Variants in PLEKHA8 observed in about 807,000 individuals in gnomAD.
PLEKHA8 encodes pleckstrin homology domain containing A8, also known as pleckstrin homology domain-containing family A member 8.
A neutral mutation model predicts 68.2 loss-of-function variants in PLEKHA8; 36 were observed. The observed-to-expected ratio is 0.53, with a 90% CI of 0.40 to 0.70. PLEKHA8 has a LOEUF of 0.70. Ranked by LOEUF, PLEKHA8 falls within the 30% of genes least tolerant of loss-of-function variation. The pLI, the probability that PLEKHA8 is intolerant of heterozygous loss-of-function variation, is 0.00. For missense variants in PLEKHA8, 505 were observed against 615.4 expected (o/e 0.82, Z 1.90); for synonymous variants, 211 against 216.1 (o/e 0.98, Z 0.20).
At chr7:30,050,403 G>A (rs1212286529) in intron 5 of PLEKHA8, 31 bp from the exon 6 acceptor site, 1 of 1,555,286 alleles carries the variant, frequency 6.4e-7, no homozygotes, top group Non-Finnish European at 8.7e-7. Flanking sequence ...AGTTTAACAT[G>A]TGAACTTTCC....
chr7:30,116,521 G>A (rs1796570561), intron 13 of PLEKHA8, among the ~76,000 whole-genome samples: 1 of 152,008 alleles, frequency 6.6e-6, no homozygotes. Context: ...TATTTGATTA[G>A]CTGTTCTGCA....
intron 1 of PLEKHA8, among the ~76,000 whole-genome samples, chr7:30,032,597 T>C (rs1275879874): frequency 6.6e-6 from 1 of 152,232 alleles, no homozygotes; most frequent in African/African-American, 2.4e-5. Flanking sequence ...GACAATACTT[T>C]TAAAGGTCCT....
At chr7:30,114,416 C>T (rs554411301) in intron 13 of PLEKHA8, among the ~76,000 whole-genome samples, 22 of 152,340 alleles carry the variant, frequency 1.4e-4, no homozygotes, top group South Asian at 6.2e-4. Flanking sequence ...GTGATAGTGA[C>T]GAGATTTGAA....
chr7:30,101,081 T>G (rs1253950129), intron 13 of PLEKHA8, among the ~76,000 whole-genome samples: 1 of 151,014 alleles, frequency 6.6e-6, no homozygotes, highest in Non-Finnish European at 1.5e-5. Context: ...TCACAGCTAC[T>G]CGGGAGGCTA....
chr7:30,100,090 G>A (rs949359134), intron 13 of PLEKHA8, among the ~76,000 whole-genome samples: 6 of 152,068 alleles, frequency 3.9e-5, no homozygotes, highest in Non-Finnish European at 8.8e-5. Flanking sequence ...CTATCTTTAT[G>A]TGTCTGTTGT....
At chr7:30,065,152 C>T (rs1793740982) in intron 12 of PLEKHA8, among the ~76,000 whole-genome samples, 1 of 152,172 alleles carries the variant, frequency 6.6e-6, no homozygotes, top group South Asian at 2.1e-4. Flanking sequence ...CTTTGAAGGG[C>T]AAATGCTGCT....
At position 30,080,793 on chromosome 7, in the gene PLEKHA8, C is replaced by T. The variant is rs1794892027; in HGVS notation, c.*2006C>T. 1 of 985,280 alleles carries T rather than the reference C, an allele frequency of 1.0e-6. No homozygotes were observed. The highest frequency in any genetic ancestry group is 1.2e-6 in the Non-Finnish European group (1 of 829,894). 61.0% of individuals were successfully genotyped at this position (985,280 alleles called of 1,614,324 possible). On this transcript the variant is annotated 3_prime_UTR_variant, in exon 14 of 14. Coordinates refer to ENST00000449726, the MANE Select transcript of PLEKHA8 (RefSeq NM_001197026.2). ...TCTCTGATTAGTATGAATATGATGGCAGGACTCGGGGATAGTCCCTGCCCT... is the reference window on the plus strand; with the variant it reads ...TCTCTGATTAGTATGAATATGATGGTAGGACTCGGGGATAGTCCCTGCCCT...
At chr7:30,035,058 CATAG>C (rs1339590473) in intron 1 of PLEKHA8, among the ~76,000 whole-genome samples, 1 of 150,674 alleles carries the variant, frequency 6.6e-6, no homozygotes, top group Admixed American at 6.6e-5. Context: ...TTTTTTTTCA[CATAG>C]ATATTCAATA....
rs988613969 is a variant in PLEKHA8 at position 30,079,560 on chromosome 7, T to G, written c.*773T>G. On this transcript the variant is annotated 3_prime_UTR_variant, in exon 14 of 14. Transcript: ENST00000449726. ...CATTATCTCAATTGGACATCACAAG[T>G]AATGATACCCAGAGGGATTATTACT... 2.2e-6 allele frequency: 2 copies of G among 900,722 alleles called. No homozygotes were observed. The highest frequency in any genetic ancestry group is 3.6e-5 in the African/African-American group (2 of 55,388). The allele number at this position is 900,722 out of a possible 1,614,324, so 55.8% of individuals were successfully genotyped here. A position where few individuals can be genotyped will look rare whatever the true frequency, so the allele number is the denominator to read the frequency against.
intron 13 of PLEKHA8, among the ~76,000 whole-genome samples, chr7:30,111,825 T>C (rs1162336154): frequency 6.6e-6 from 1 of 152,164 alleles, no homozygotes; most frequent in Non-Finnish European, 1.5e-5. Flanking sequence ...AATACCCTTG[T>C]AGTTAAGCAA....
At chr7:30,123,053 C>A (rs1048018503) in intron 13 of PLEKHA8, among the ~76,000 whole-genome samples, 5 of 152,042 alleles carry the variant, frequency 3.3e-5, no homozygotes, top group Non-Finnish European at 7.4e-5. Context: ...TGAATGAGTT[C>A]CTGTTATTGA....
intron 13 of PLEKHA8, among the ~76,000 whole-genome samples, chr7:30,077,348 C>T (rs535575388): frequency 6.6e-6 from 1 of 152,244 alleles, no homozygotes; most frequent in East Asian, 1.9e-4. Context: ...GACTCCTATC[C>T]TCCAGTTCTG....
chr7:30,101,458 A>G (rs1795850995), intron 13 of PLEKHA8, among the ~76,000 whole-genome samples: 2 of 152,112 alleles, frequency 1.3e-5, no homozygotes, highest in Non-Finnish European at 2.9e-5. Context: ...GCTCTCTTCC[A>G]GGTTGCAGAC....
Position 30,078,970 on chromosome 7 carries a change from A to G in PLEKHA8, c.*183A>G. On this transcript the variant is annotated 3_prime_UTR_variant, in exon 14 of 14. Coordinates refer to ENST00000449726, the MANE Select transcript of PLEKHA8 (RefSeq NM_001197026.2). ...TGCATATGTGTTTTGTTTAAAGATC[A>G]AGGTGCTATATATTTCAGTTCAGCA... 7.1e-7 allele frequency: 1 copy of G among 1,406,576 alleles called. No individual in the cohort carries two copies. The highest frequency in any genetic ancestry group is 9.2e-7 in the Non-Finnish European group (1 of 1,083,844). 87.1% of individuals were successfully genotyped at this position (1,406,576 alleles called of 1,614,324 possible).
intron 13 of PLEKHA8, chr7:30,115,723 TGCATACAC>T (rs1336773885): frequency 8.7e-6 from 1 of 114,872 alleles, no homozygotes; most frequent in African/African-American, 3.2e-5. Context: ...CGCGCATGCA[TGCATACAC>T]GTATACATGT....
chr7:30,088,092 G>A (rs1341825630), downstream of PLEKHA8, among the ~76,000 whole-genome samples: 1 of 152,184 alleles, frequency 6.6e-6, no homozygotes, highest in South Asian at 2.1e-4. Flanking sequence ...AGATGTGTTA[G>A]TTCTGTTAGC....
chr7:30,043,768 A>T (rs1791726660), intron 1 of PLEKHA8, among the ~76,000 whole-genome samples: 1 of 152,166 alleles, frequency 6.6e-6, no homozygotes, highest in African/African-American at 2.4e-5. Flanking sequence ...CAGGAAGTTC[A>T]GTAGCCTCCT....
intron 6 of PLEKHA8, among the ~76,000 whole-genome samples, chr7:30,052,130 G>C (rs1272168370): frequency 1.3e-5 from 2 of 152,182 alleles, no homozygotes; most frequent in Non-Finnish European, 2.9e-5. Flanking sequence ...CCAAAGAGCT[G>C]TCAATGACTA....
At chr7:30,092,841 A>G (rs1364093687), downstream of PLEKHA8, among the ~76,000 whole-genome samples, 1 of 152,216 alleles carries the variant, frequency 6.6e-6, no homozygotes, top group African/African-American at 2.4e-5. Context: ...TTAAAGTGAG[A>G]TCGAGAGAAA....
Sources: gnomAD v4.1 joint callset for allele counts (sites outside exome capture counted in the v4.1 genomes callset) on GRCh38, gnomAD v4.1.1 for gene constraint, MANE v1.5 for transcripts, NCBI Gene and HGNC (gene_info 2026-07-23, HGNC 2026-07-21) for gene names.